TMOD1: variants seen among roughly 807,000 people sequenced by gnomAD.
TMOD1 encodes the protein tropomodulin 1.
A neutral mutation model predicts 40.6 loss-of-function variants in TMOD1; 17 were observed. The observed-to-expected ratio is 0.42, with a 90% confidence interval of 0.29 to 0.63. The LOEUF is 0.63. TMOD1 is among the 20% of genes least tolerant of loss of function. The pLI, the probability that TMOD1 is intolerant of heterozygous loss-of-function variation, is 0.22. For synonymous variants in TMOD1, 181 were observed against 175.0 expected (o/e 1.03, Z -0.27); for missense variants, 391 against 447.6 (o/e 0.87, Z 1.14).
chr9:97,592,067 T>G (rs1826013454), intron 9 of TMOD1, among the ~76,000 whole-genome samples: 1 of 113,774 alleles, frequency 8.8e-6, no homozygotes, highest in African/African-American at 3.8e-5. Flanking sequence ...CAATATTTTT[T>G]GATAATGAAC....
At chr9:97,535,755 C>A (rs570568986) in intron 2 of TMOD1, among the ~76,000 whole-genome samples, 1 of 152,326 alleles carries the variant, frequency 6.6e-6, no homozygotes, top group South Asian at 2.1e-4. Context: ...CCACCACAAG[C>A]AATTATTGGG....
chr9:97,527,504 T>TA (rs1366635311), intron 2 of TMOD1, among the ~76,000 whole-genome samples: 1 of 152,230 alleles, frequency 6.6e-6, no homozygotes, highest in African/African-American at 2.4e-5. Context: ...TGGATTTTTT[T>TA]AATTCCATGC....
At chr9:97,597,948 G>C (rs1387868284) in intron 9 of TMOD1, among the ~76,000 whole-genome samples, 1 of 152,028 alleles carries the variant, frequency 6.6e-6, no homozygotes, top group Non-Finnish European at 1.5e-5. Context: ...GTGAGAATCA[G>C]ATGCGATATG....
intron 6 of TMOD1, among the ~76,000 whole-genome samples, chr9:97,565,128 G>A (rs1830707608): frequency 6.6e-6 from 1 of 152,228 alleles, no homozygotes; most frequent in Non-Finnish European, 1.5e-5. Context: ...CACTGGCAGT[G>A]AATGCTGCCT....
At chr9:97,544,971 T>C (rs914791440) in intron 2 of TMOD1, among the ~76,000 whole-genome samples, 2 of 147,142 alleles carry the variant, frequency 1.4e-5, no homozygotes, top group African/African-American at 5.2e-5. Flanking sequence ...ATTGCGCCAC[T>C]GCATTCCAGC....
intron 2 of TMOD1, among the ~76,000 whole-genome samples, chr9:97,528,730 G>A (rs767903968): frequency 2.0e-4 from 30 of 152,162 alleles, no homozygotes; most frequent in Non-Finnish European, 3.8e-4. Flanking sequence ...CCCCTCCCAC[G>A]GCTTCAGAGC....
intron 4 of TMOD1, among the ~76,000 whole-genome samples, chr9:97,555,140 C>A (rs1312302638): frequency 6.6e-6 from 1 of 152,198 alleles, no homozygotes; most frequent in Non-Finnish European, 1.5e-5. Flanking sequence ...AACTCCGGAA[C>A]CTAGTTTGCT....
At chr9:97,518,687 G>C (rs1829866165) in intron 1 of TMOD1, among the ~76,000 whole-genome samples, 1 of 152,208 alleles carries the variant, frequency 6.6e-6, no homozygotes, top group Non-Finnish European at 1.5e-5. Flanking sequence ...TGCCCTGAGA[G>C]GTGCCCCTTA....
intron 2 of TMOD1, among the ~76,000 whole-genome samples, chr9:97,528,817 C>T (rs1021503932): frequency 6.6e-6 from 1 of 152,242 alleles, no homozygotes; most frequent in Non-Finnish European, 1.5e-5. Context: ...AACCCTGGTG[C>T]CTTGGCACCT....
chr9:97,570,110 C>T (rs1185713083), intron 8 of TMOD1, among the ~76,000 whole-genome samples: 3 of 152,178 alleles, frequency 2.0e-5, no homozygotes, highest in Non-Finnish European at 2.9e-5. Flanking sequence ...GGCAAACATA[C>T]AGAAAAGTGC....
intron 6 of TMOD1, among the ~76,000 whole-genome samples, chr9:97,564,944 G>A (rs55750978): frequency 0.19 from 28,843 of 152,086 alleles, 3,009 homozygotes; most frequent in South Asian, 0.41. Flanking sequence ...GCAGCTGCCA[G>A]CCCCACGGCA....
Position 97,600,111 on chromosome 9 carries a change from C to G in TMOD1, c.*413C>G. The stretch of plus-strand genomic sequence containing the variant: ...TGAAGTATTATAAAACACTTTATTA[C>G]AAATTTGTCTTAGCTATTAGCAAAT... On this transcript the variant is annotated 3_prime_UTR_variant, in exon 10 of 10. Coordinates refer to ENST00000259365, the MANE Select transcript of TMOD1 (RefSeq NM_003275.4). 2.0e-6 allele frequency: 2 copies of G among 1,006,560 alleles called. No individual in the cohort carries two copies. The highest frequency in any genetic ancestry group is 8.5e-5 in the South Asian group (2 of 23,626). The allele number at this position is 1,006,560 out of a possible 1,614,324, so 62.4% of individuals were successfully genotyped here.
chr9:97,506,410 AC>A (rs1400079151), intron 1 of TMOD1, among the ~76,000 whole-genome samples: 1 of 152,204 alleles, frequency 6.6e-6, no homozygotes, highest in African/African-American at 2.4e-5. Flanking sequence ...TAAATGGCTG[AC>A]CACCGAATGA....
At chr9:97,576,800 A>ATT (rs577416201) in intron 8 of TMOD1, among the ~76,000 whole-genome samples, 1 of 146,688 alleles carries the variant, frequency 6.8e-6, no homozygotes, top group Non-Finnish European at 1.5e-5. Flanking sequence ...CGTCCAGCTA[A>ATT]TTTTTTTTTT....
intron 8 of TMOD1, among the ~76,000 whole-genome samples, chr9:97,574,297 G>T (rs909663788): frequency 2.0e-5 from 3 of 152,018 alleles, no homozygotes; most frequent in Admixed American, 6.6e-5. Flanking sequence ...TGCTCTCGGC[G>T]GGCCCCGCAC....
intron 2 of TMOD1, among the ~76,000 whole-genome samples, chr9:97,545,027 A>AAAC: frequency 6.7e-6 from 1 of 150,312 alleles, no homozygotes; most frequent in African/African-American, 2.4e-5. Flanking sequence ...AAAAAAAAAA[A>AAAC]GGTTGGAGGT....
At chr9:97,544,302 C>T (rs1003395465) in intron 2 of TMOD1, among the ~76,000 whole-genome samples, 1 of 151,980 alleles carries the variant, frequency 6.6e-6, no homozygotes, top group Non-Finnish European at 1.5e-5. Context: ...CTTAGGAAGG[C>T]CGAGGTGGGT....
intron 1 of TMOD1, among the ~76,000 whole-genome samples, chr9:97,507,293 G>C (rs1303030847): frequency 3.9e-5 from 6 of 152,238 alleles, no homozygotes; most frequent in Admixed American, 3.9e-4. Flanking sequence ...AGGTAAGAGA[G>C]AGGGAGACGT....
At chr9:97,581,678 A>T (rs1320253406) in intron 8 of TMOD1, among the ~76,000 whole-genome samples, 2 of 151,224 alleles carry the variant, frequency 1.3e-5, no homozygotes, top group African/African-American at 4.9e-5. Flanking sequence ...CTTTTTAATG[A>T]TCGCCAGTCT....
Sources: gnomAD v4.1 joint callset for allele counts (sites outside exome capture counted in the v4.1 genomes callset) on GRCh38, gnomAD v4.1.1 for gene constraint, MANE v1.5 for transcripts, NCBI Gene and HGNC (gene_info 2026-07-23, HGNC 2026-07-21) for gene names.